Variants in PXDNL observed in about 807,000 individuals in gnomAD.
PXDNL encodes peroxidasin like, also known as probable oxidoreductase PXDNL.
In PXDNL, 145 loss-of-function variants were observed where a neutral mutation model predicts 150.8. The ratio of observed to expected loss-of-function variants is 0.96; its 90% confidence interval spans 0.84 to 1.10. PXDNL has a LOEUF of 1.10. PXDNL is among the 50% of genes least tolerant of loss of function. The pLI, the probability that PXDNL is intolerant of heterozygous loss-of-function variation, is 0.00. For missense variants in PXDNL, 2,087 were observed against 1,873.9 expected (o/e 1.11, Z -2.10); for synonymous variants, 757 against 725.7 (o/e 1.04, Z -0.69).
intron 3 of PXDNL, among the ~76,000 whole-genome samples, chr8:51,564,535 G>A (rs1812776773): frequency 6.6e-6 from 1 of 151,450 alleles, no homozygotes; most frequent in African/African-American, 2.4e-5. Flanking sequence ...CCACCCTCAA[G>A]TAGGCACACT....
intron 3 of PXDNL, among the ~76,000 whole-genome samples, chr8:51,569,337 G>T (rs1266836046): frequency 6.6e-6 from 1 of 151,924 alleles, no homozygotes; most frequent in East Asian, 1.9e-4. Context: ...TTTTACAGGT[G>T]TTTGCTTTCC....
chr8:51,418,335 A>C (rs1171884038), intron 14 of PXDNL, among the ~76,000 whole-genome samples: 2 of 152,216 alleles, frequency 1.3e-5, no homozygotes, highest in Non-Finnish European at 2.9e-5. Context: ...TTTATACCCT[A>C]TTCAGAGTAA....
intron 5 of PXDNL, among the ~76,000 whole-genome samples, chr8:51,494,051 A>G (rs1313793543): frequency 1.3e-5 from 2 of 152,224 alleles, no homozygotes; most frequent in African/African-American, 4.8e-5. Context: ...TTACCCACAA[A>G]GGGAAGCCCA....
intron 1 of PXDNL, among the ~76,000 whole-genome samples, chr8:51,671,943 G>A (rs969893594): frequency 1.3e-5 from 2 of 152,174 alleles, no homozygotes; most frequent in Non-Finnish European, 2.9e-5. Context: ...CCAAGAATTA[G>A]CATGGTTTCA....
intron 2 of PXDNL, among the ~76,000 whole-genome samples, chr8:51,612,178 G>C (rs1814020706): frequency 6.6e-6 from 1 of 152,134 alleles, no homozygotes; most frequent in Non-Finnish European, 1.5e-5. Flanking sequence ...GTTTTGAAGA[G>C]CACATTGGTG....
chr8:51,545,693 A>C (rs1323762787), intron 4 of PXDNL, among the ~76,000 whole-genome samples: 1 of 152,168 alleles, frequency 6.6e-6, no homozygotes, highest in Non-Finnish European at 1.5e-5. Flanking sequence ...ACATCCTTTC[A>C]TAAGGAACCC....
chr8:51,749,081 T>C (rs2037015632), intron 1 of PXDNL, among the ~76,000 whole-genome samples: 1 of 152,218 alleles, frequency 6.6e-6, no homozygotes, highest in African/African-American at 2.4e-5. Context: ...CTTTTAAAAA[T>C]AATTTTAAAC....
At chr8:51,370,254 G>A (rs568280636) in intron 19 of PXDNL, among the ~76,000 whole-genome samples, 1 of 152,242 alleles carries the variant, frequency 6.6e-6, no homozygotes, top group Non-Finnish European at 1.5e-5. Context: ...TGTCAGTATG[G>A]GCACGCAGCC....
At chr8:51,556,689 A>G (rs1812606945) in intron 4 of PXDNL, 151 bp downstream of exon 4, 2 of 614,658 alleles carry the variant, frequency 3.3e-6, no homozygotes, top group Non-Finnish European at 5.9e-6. Flanking sequence ...ATACATTCTG[A>G]TTTTTATCCA....
chr8:51,609,719 G>A (rs1813955150), intron 2 of PXDNL, among the ~76,000 whole-genome samples: 1 of 152,222 alleles, frequency 6.6e-6, no homozygotes, highest in Non-Finnish European at 1.5e-5. Flanking sequence ...GAAAATAGCA[G>A]CGAGAGTTGT....
chr8:51,704,783 C>T (rs2976207), intron 1 of PXDNL, among the ~76,000 whole-genome samples: 129,084 of 152,252 alleles, frequency 0.85, 55,102 homozygotes, highest in African/African-American at 0.95. Flanking sequence ...TGATCACTTA[C>T]ATAAAATGCC....
chr8:51,322,809 G>A (rs1805365576), intron 21 of PXDNL, among the ~76,000 whole-genome samples: 1 of 152,166 alleles, frequency 6.6e-6, no homozygotes. Flanking sequence ...AGGACAGGAG[G>A]GTTGGTTCTT....
intron 2 of PXDNL, among the ~76,000 whole-genome samples, chr8:51,593,409 G>A (rs1813491228): frequency 6.6e-6 from 1 of 152,088 alleles, no homozygotes; most frequent in Non-Finnish European, 1.5e-5. Flanking sequence ...ATTATGGCAT[G>A]TCTAAATATA....
intron 2 of PXDNL, among the ~76,000 whole-genome samples, chr8:51,650,650 C>A (rs1416486028): frequency 6.6e-6 from 1 of 152,146 alleles, no homozygotes; most frequent in Non-Finnish European, 1.5e-5. Flanking sequence ...AAGACTTGGT[C>A]TCATGTTGGT....
intron 2 of PXDNL, among the ~76,000 whole-genome samples, chr8:51,651,704 T>C (rs1815040629): frequency 4.6e-5 from 7 of 152,220 alleles, no homozygotes; most frequent in Admixed American, 4.6e-4. Context: ...TTTATTAGCA[T>C]TGCTCTTCCT....
At chr8:51,498,070 G>A (rs1022248194) in intron 5 of PXDNL, among the ~76,000 whole-genome samples, 5 of 151,964 alleles carry the variant, frequency 3.3e-5, no homozygotes, top group African/African-American at 1.2e-4. Flanking sequence ...AGAAAATATG[G>A]CACATATACA....
chr8:51,477,994 A>T (rs1810519938), intron 6 of PXDNL, among the ~76,000 whole-genome samples: 1 of 152,182 alleles, frequency 6.6e-6, no homozygotes, highest in Non-Finnish European at 1.5e-5. Context: ...ATGTTCAGAA[A>T]ATAAAAGTAT....
In PXDNL at chr8:51,595,830, G is replaced by A. The variant is rs895017336; in HGVS notation, c.237-3132C>T. ...AATCATTTGCAGTTCAAAACTGTAGGAAAAAAAAAGAGGAAAATGAGCAAG... is the reference window on the plus strand; with the variant it reads ...AATCATTTGCAGTTCAAAACTGTAGAAAAAAAAAAGAGGAAAATGAGCAAG... On this transcript the variant is annotated intron_variant, in intron 2 of 22. Transcript: ENST00000356297. 2.5e-3 allele frequency among the ~76,000 whole-genome samples: 376 copies of A among 151,206 alleles called. 1 individual carries two copies. Among genetic ancestry groups the A allele is most frequent in the African/African-American group, 8.6e-3 (356 of 41,382 alleles).
intron 1 of PXDNL, among the ~76,000 whole-genome samples, chr8:51,736,259 T>G (rs1817036708): frequency 6.6e-6 from 1 of 152,260 alleles, no homozygotes; most frequent in Admixed American, 6.5e-5. Context: ...ACTATGCCAG[T>G]TGATGTTTAT....
Sources: allele counts gnomAD v4.1 joint callset (sites outside exome capture counted in the v4.1 genomes callset), GRCh38; gene constraint gnomAD v4.1.1; transcripts MANE v1.5; gene names NCBI Gene and HGNC (gene_info 2026-07-23, HGNC 2026-07-21).